The following FBXO16 variants were observed in gnomAD, a reference collection of about 807,000 sequenced individuals.
FBXO16 encodes the protein F-box only protein 16.
A neutral mutation model predicts 41.0 loss-of-function variants in FBXO16; 31 were observed. The ratio of observed to expected loss-of-function variants is 0.76; its 90% CI spans 0.57 to 1.02. The LOEUF is 1.02. Among genes scored for constraint, FBXO16 ranks in the 50% least tolerant of loss-of-function variants. FBXO16 has a pLI of 0.00. For missense variants in FBXO16, 361 were observed against 346.2 expected (o/e 1.04, Z -0.34); for synonymous variants, 133 against 117.8 (o/e 1.13, Z -0.84).
chr8:28,469,922 G>A (rs185583002), intron 3 of FBXO16, among the ~76,000 whole-genome samples: 2 of 138,928 alleles, frequency 1.4e-5, no homozygotes, highest in African/African-American at 5.4e-5. Context: ...AATAATAATA[G>A]GCCGGGCGCG....
intron 3 of FBXO16, among the ~76,000 whole-genome samples, chr8:28,470,649 G>A (rs1402467690): frequency 6.6e-6 from 1 of 152,204 alleles, no homozygotes; most frequent in African/African-American, 2.4e-5. Context: ...AGGCAAGGAA[G>A]AGAGAATTTG....
intron 2 of FBXO16, among the ~76,000 whole-genome samples, chr8:28,474,316 C>CAAAAAAAAAAAA: frequency 3.7e-4 from 21 of 56,656 alleles, no homozygotes; most frequent in Admixed American, 5.0e-4. Flanking sequence ...CAGACCCTGT[C>CAAAAAAAAAAAA]AAAAAAAAAA....
At chr8:28,447,333 G>A in intron 6 of FBXO16, 60 bp from the exon 7 acceptor site, 2 of 1,394,476 alleles carry the variant, frequency 1.4e-6, no homozygotes, top group Non-Finnish European at 1.0e-6. Context: ...CAGGTGGTTT[G>A]CATAGCTATT....
At chr8:28,488,293 CTTTTTTT>C (rs10708340) in intron 1 of FBXO16, among the ~76,000 whole-genome samples, 4 of 96,226 alleles carry the variant, frequency 4.2e-5, no homozygotes, top group Non-Finnish European at 5.9e-5. Flanking sequence ...TCTTCTAAGC[CTTTTTTT>C]TTTTTTTTTT....
rs1038870879 is a variant in FBXO16 at position 28,473,983 on chromosome 8, CTTTTT to C, written c.100-181_100-177del. 4.0e-5 allele frequency among the ~76,000 whole-genome samples: 6 copies of C among 151,250 alleles called. No homozygotes were observed. The South Asian group carries it at 1.3e-3, about 32-fold the overall frequency. ...TTTACCCTGGGCAAGGTTTCTCTCTCTTTTTTTTTCTTTCAGTTTCTACATGTGGA... is the reference window on the plus strand; with the variant it reads ...TTTACCCTGGGCAAGGTTTCTCTCTCTTTTCTTTCAGTTTCTACATGTGGA... On this transcript the variant is annotated intron_variant, in intron 2 of 8. Coordinates refer to ENST00000380254, the MANE Select transcript of FBXO16 (RefSeq NM_172366.4).
intron 6 of FBXO16, among the ~76,000 whole-genome samples, chr8:28,450,985 C>G (rs185724999): frequency 1.1e-4 from 17 of 152,220 alleles, no homozygotes; most frequent in African/African-American, 3.4e-4. Context: ...ATGCCTAAAT[C>G]CTTGACAGAT....
intron 6 of FBXO16, among the ~76,000 whole-genome samples, chr8:28,448,236 G>T (rs1014180326): frequency 5.9e-5 from 9 of 151,492 alleles, no homozygotes; most frequent in African/African-American, 2.2e-4. Flanking sequence ...AGCTACTCAG[G>T]AGGCTGAGGT....
chr8:28,474,316 C>CAAAAA lies in FBXO16; in HGVS notation c.100-514_100-510dup. 1.9e-3 allele frequency among the ~76,000 whole-genome samples: 105 copies of CAAAAA among 56,656 alleles called. 1 individual carries two copies. Among genetic ancestry groups the CAAAAA allele is most frequent in the Middle Eastern group, 9.6e-3 (1 of 104 alleles). The allele number at this position is 56,656 out of a possible 152,430, so 37.2% of individuals were successfully genotyped here. On this transcript the variant is annotated intron_variant, in intron 2 of 8. Transcript: ENST00000380254. ...CCTGGGTAACAGAGCCAGACCCTGT[C>CAAAAA]AAAAAAAAAAAAAAAAAAAAAAAAA...
At chr8:28,443,774 C>T (rs1287836632) in intron 7 of FBXO16, among the ~76,000 whole-genome samples, 8 of 152,078 alleles carry the variant, frequency 5.3e-5, no homozygotes, top group Non-Finnish European at 1.0e-4. Flanking sequence ...ATAAAAAAGC[C>T]GGCCAAAACC....
intron 7 of FBXO16, among the ~76,000 whole-genome samples, chr8:28,441,777 T>C (rs535021554): frequency 3.3e-5 from 5 of 150,538 alleles, no homozygotes; most frequent in Non-Finnish European, 5.9e-5. Flanking sequence ...TGTATGTCTT[T>C]ACACAAGGTT....
At chr8:28,433,288 A>C (rs1802638604) in intron 7 of FBXO16, among the ~76,000 whole-genome samples, 1 of 152,206 alleles carries the variant, frequency 6.6e-6, no homozygotes, top group South Asian at 2.1e-4. Flanking sequence ...AGAGAAATGC[A>C]ATGCCATGCG....
chr8:28,475,743 C>T (rs547251201), intron 2 of FBXO16, among the ~76,000 whole-genome samples: 1 of 152,286 alleles, frequency 6.6e-6, no homozygotes, highest in African/African-American at 2.4e-5. Context: ...CTCTTACATG[C>T]TCCACAGAAC....
Position 28,456,782 on chromosome 8 carries a change from T to C in FBXO16, c.491A>G (p.His164Arg), listed in dbSNP as rs528926474. The change falls in exon 5 of 9, where the codon CAT becomes CGT. Residue 164 changes from histidine to arginine, a missense_variant. Coordinates refer to ENST00000380254, the MANE Select transcript of FBXO16 (RefSeq NM_172366.4). Reference sequence around the variant, plus strand: ...AAAATTCACCTTAGGCTTGGTAATATGAAGTTCTTTCACCATTTGAATATA... The same window carrying C: ...AAAATTCACCTTAGGCTTGGTAATACGAAGTTCTTTCACCATTTGAATATA... ...KHYIQMVKEL[H>R]ITKPKTPPKD... 2.5e-6 allele frequency: 4 copies of C among 1,614,072 alleles called. No individual in the cohort carries two copies. Among genetic ancestry groups the C allele is most frequent in the South Asian group, 1.1e-5 (1 of 91,034 alleles).
intron 3 of FBXO16, among the ~76,000 whole-genome samples, chr8:28,468,905 A>C (rs1803286840): frequency 6.6e-6 from 1 of 152,126 alleles, no homozygotes; most frequent in African/African-American, 2.4e-5. Flanking sequence ...TAAAAAATGA[A>C]AAGCTTCTTT....
chr8:28,466,264 GAAT>G (rs1229416594), intron 3 of FBXO16, among the ~76,000 whole-genome samples: 1 of 152,012 alleles, frequency 6.6e-6, no homozygotes. Context: ...AAAAACAGTA[GAAT>G]AACAGTAGAA....
chr8:28,467,625 G>A (rs1305809506), intron 3 of FBXO16, among the ~76,000 whole-genome samples: 1 of 152,194 alleles, frequency 6.6e-6, no homozygotes, highest in Non-Finnish European at 1.5e-5. Context: ...TTTGTACATT[G>A]ACAAGGATGG....
chr8:28,450,331 A>G (rs1802933438), intron 6 of FBXO16, among the ~76,000 whole-genome samples: 1 of 152,216 alleles, frequency 6.6e-6, no homozygotes, highest in African/African-American at 2.4e-5. Context: ...AAATGGGTCA[A>G]AGACCTAAAC....
intron 7 of FBXO16, among the ~76,000 whole-genome samples, chr8:28,444,410 C>T (rs1185384364): frequency 2.0e-5 from 3 of 150,400 alleles, no homozygotes; most frequent in Non-Finnish European, 1.5e-5. Flanking sequence ...TCAAGCAATT[C>T]TCCTGCTTCA....
intron 1 of FBXO16, among the ~76,000 whole-genome samples, chr8:28,488,668 T>C (rs1275774825): frequency 6.6e-6 from 1 of 152,090 alleles, no homozygotes; most frequent in African/African-American, 2.4e-5. Context: ...AGGCAGGTGT[T>C]AGGGGTACAA....
Sources: gnomAD v4.1 joint callset for allele counts (sites outside exome capture counted in the v4.1 genomes callset) on GRCh38, gnomAD v4.1.1 for gene constraint, MANE v1.5 for transcripts, NCBI Gene and HGNC (gene_info 2026-07-23, HGNC 2026-07-21) for gene names.